PCDHGB1: variants seen among roughly 807,000 people sequenced by gnomAD.
PCDHGB1 encodes the protein protocadherin gamma subfamily B, 1.
PCDHGB1 carries 34 observed loss-of-function variants against 56.6 expected under a neutral mutation model. The ratio of observed to expected loss-of-function variants is 0.60; its 90% CI spans 0.46 to 0.80. The LOEUF (loss-of-function observed/expected upper bound fraction) is 0.80, where lower values mean the gene tolerates loss of function less well. PCDHGB1 is among the 30% of genes least tolerant of loss of function. The pLI is 0.00. For missense variants in PCDHGB1, 1,278 were observed against 1,204.6 expected (o/e 1.06, Z -0.90); for synonymous variants, 561 against 505.9 (o/e 1.11, Z -1.46).
Position 141,427,512 on chromosome 5 carries a change from T to A in PCDHGB1, c.2410-67295T>A, listed in dbSNP as rs1483922394. ...GCTTGTAACAGATGGGACCCTGGATTGGGAGCGGATCCCGGAGTACAACGT... is the reference window on the plus strand; with the variant it reads ...GCTTGTAACAGATGGGACCCTGGATAGGGAGCGGATCCCGGAGTACAACGT... On this transcript the variant is annotated intron_variant, in intron 1 of 3. Transcript: ENST00000523390. 1.2e-5 allele frequency: 7 copies of A among 592,748 alleles called. No homozygotes were observed. The Admixed American group carries it at 1.3e-4, about 11-fold the overall frequency. 36.7% of individuals were successfully genotyped at this position (592,748 alleles called of 1,614,324 possible). A position where few individuals can be genotyped will look rare whatever the true frequency, so the allele number is the denominator to read the frequency against.
intron 1 of PCDHGB1, chr5:141,398,582 T>A: frequency 6.2e-7 from 1 of 1,614,000 alleles, no homozygotes. Context: ...GGCACAAGAT[T>A]TATACTAGAA....
At chr5:141,376,832 G>T (rs1773425503) in intron 1 of PCDHGB1, 2 of 257,250 alleles carry the variant, frequency 7.8e-6, no homozygotes, top group Non-Finnish European at 1.5e-5. Context: ...GACTACAGGC[G>T]CCCGCCACCG....
intron 1 of PCDHGB1, chr5:141,384,852 G>C: frequency 6.2e-7 from 1 of 1,613,646 alleles, no homozygotes; most frequent in Non-Finnish European, 8.5e-7. Context: ...ACCACGGTCA[G>C]CCTCCTCTGT....
At chr5:141,438,960 C>A (rs1398478011) in intron 1 of PCDHGB1, among the ~76,000 whole-genome samples, 1 of 151,940 alleles carries the variant, frequency 6.6e-6, no homozygotes, top group Non-Finnish European at 1.5e-5. Flanking sequence ...GCCACCGCAC[C>A]CTGCCAACTG....
At chr5:141,376,643 A>G (rs1465583488) in intron 1 of PCDHGB1, 17 of 1,013,920 alleles carry the variant, frequency 1.7e-5, no homozygotes, top group Non-Finnish European at 2.4e-5. Context: ...GATTTTGTAA[A>G]GTGGAAGACT....
chr5:141,355,770 G>C, intron 1 of PCDHGB1: 1 of 1,613,888 alleles, frequency 6.2e-7, no homozygotes. Flanking sequence ...ATGGGATTAA[G>C]TACCCAGAGC....
rs200900873 is a variant in PCDHGB1 at position 141,510,902 on chromosome 5, G to A, written c.2558-45G>A. On this transcript the variant is annotated intron_variant, in intron 3 of 3. Transcript: ENST00000523390. ...GGGGATATAAGACAGTGACTGTTGAGGACCCTAAGTTTAGCTCCCACCTGA... is the reference window on the plus strand; with the variant it reads ...GGGGATATAAGACAGTGACTGTTGAAGACCCTAAGTTTAGCTCCCACCTGA... The A allele has an allele frequency of 1.5e-3, 2,449 of 1,613,462 alleles. 7 individuals carry two copies. The highest frequency in any genetic ancestry group is 1.9e-3 in the Non-Finnish European group (2,206 of 1,179,758).
In PCDHGB1 at chr5:141,485,470, T is replaced by C; in HGVS notation, c.2410-9337T>C. ...ACCGAGAGGCACTGTGTGGGCTCAG[T>C]GCCAGCTGCATCGTGCCCCTGGAGT... On this transcript the variant is annotated intron_variant, in intron 1 of 3. Coordinates refer to ENST00000523390, the MANE Select transcript of PCDHGB1 (RefSeq NM_018922.3). This position sits in a 1 kb window ranked among gnomAD's most constrained non-coding sequence, Gnocchi z 5.7. 1.9e-6 allele frequency: 3 copies of C among 1,614,110 alleles called. No individual in the cohort carries two copies. The highest frequency in any genetic ancestry group is 2.5e-6 in the Non-Finnish European group (3 of 1,180,002).
chr5:141,400,198 G>A (rs559051247), intron 1 of PCDHGB1: 4 of 1,613,926 alleles, frequency 2.5e-6, no homozygotes, highest in Non-Finnish European at 2.5e-6. Flanking sequence ...CCTAGTGGTG[G>A]CCTTGGCCTT....
At chr5:141,505,361 A>G (rs2099845711) in intron 2 of PCDHGB1, 32 bp from the exon 3 acceptor site, 1 of 1,613,910 alleles carries the variant, frequency 6.2e-7, no homozygotes, top group South Asian at 1.1e-5. Context: ...CCGGCCTGGG[A>G]GTCTGTGCTC....
chr5:141,394,447 A>T, intron 1 of PCDHGB1: 1 of 1,614,248 alleles, frequency 6.2e-7, no homozygotes, highest in Non-Finnish European at 8.5e-7. Flanking sequence ...CTCAGCAGCA[A>T]CATGTCACTG....
chr5:141,389,747 G>A (rs766506538), intron 1 of PCDHGB1: 38 of 1,612,722 alleles, frequency 2.4e-5, no homozygotes, highest in Admixed American at 2.2e-4. Context: ...GGCTGCGCAC[G>A]GGCGAAGTGC....
At position 141,478,876 on chromosome 5, in the gene PCDHGB1, C is replaced by A. The variant is rs2099482470; in HGVS notation, c.2410-15931C>A. 30 of 1,265,748 alleles carry A rather than the reference C, an allele frequency of 2.4e-5. No individual in the cohort carries two copies. The South Asian group carries it at 4.7e-4, about 20-fold the overall frequency. 78.4% of individuals were successfully genotyped at this position (1,265,748 alleles called of 1,614,324 possible). On this transcript the variant is annotated intron_variant, in intron 1 of 3. Transcript: ENST00000523390. ...CAAGATCTCAGCGATCAGAGTTTAGCTTGGTATCATTTACATTAGGAATAA... is the reference window on the plus strand; with the variant it reads ...CAAGATCTCAGCGATCAGAGTTTAGATTGGTATCATTTACATTAGGAATAA...
intron 1 of PCDHGB1, chr5:141,404,248 G>T (rs1404333144): frequency 6.2e-7 from 1 of 1,613,694 alleles, no homozygotes; most frequent in South Asian, 1.1e-5. Flanking sequence ...CTCCGCCCCT[G>T]TCCACAGAAA....
intron 2 of PCDHGB1, among the ~76,000 whole-genome samples, chr5:141,504,211 A>G (rs2099836609): frequency 6.6e-6 from 1 of 152,218 alleles, no homozygotes. Flanking sequence ...GGAAAATTCC[A>G]AGTAGAGCTG....
chr5:141,385,125 C>T (rs1206430746), intron 1 of PCDHGB1: 7 of 1,614,212 alleles, frequency 4.3e-6, no homozygotes, highest in Non-Finnish European at 8.5e-7. Context: ...ACTTTGTGGG[C>T]ATGGACGGGG....
At chr5:141,436,829 G>C (rs1194891483) in intron 1 of PCDHGB1, among the ~76,000 whole-genome samples, 3 of 152,214 alleles carry the variant, frequency 2.0e-5, no homozygotes, top group African/African-American at 7.2e-5. Flanking sequence ...AAAATCTTAA[G>C]TGCCTAGGCA....
At chr5:141,419,934 T>C (rs1427601115) in intron 1 of PCDHGB1, 3 of 1,613,952 alleles carry the variant, frequency 1.9e-6, no homozygotes, top group Non-Finnish European at 2.5e-6. Flanking sequence ...CAGTTTTACC[T>C]GGTGGTGGCC....
At chr5:141,399,409 CT>C in intron 1 of PCDHGB1, 2 of 1,614,052 alleles carry the variant, frequency 1.2e-6, no homozygotes, top group South Asian at 2.2e-5. Flanking sequence ...CAAGCCGCCC[CT>C]CTCCTCCAGC....
Sources: allele counts gnomAD v4.1 joint callset (sites outside exome capture counted in the v4.1 genomes callset), GRCh38; gene constraint gnomAD v4.1.1; non-coding constraint Gnocchi (gnomAD v3.1); transcripts MANE v1.5; gene names NCBI Gene and HGNC (gene_info 2026-07-23, HGNC 2026-07-21).